The following MTUS2 variants were observed in gnomAD, a reference collection of about 807,000 sequenced individuals.
MTUS2 encodes the protein microtubule associated scaffold protein 2.
In MTUS2, 40 loss-of-function variants were observed where a neutral mutation model predicts 114.1. The observed-to-expected ratio is 0.35, with a 90% CI of 0.27 to 0.46. The LOEUF (loss-of-function observed/expected upper bound fraction) is 0.46, where lower values mean the gene tolerates loss of function less well. Among genes scored for constraint, MTUS2 ranks in the 20% least tolerant of loss-of-function variants. The probability of loss-of-function intolerance (pLI) is 1.00; values close to 1 mark genes in which losing one functional copy is unlikely to be tolerated. For synonymous variants in MTUS2, 688 were observed against 672.0 expected, an observed-to-expected ratio of 1.02 and a Z score of -0.37; for missense variants, 1,679 against 1,705.4, an observed-to-expected ratio of 0.98 and a Z score of 0.27.
At chr13:29,450,973 T>G (rs2388077) in intron 9 of MTUS2, among the ~76,000 whole-genome samples, 133,209 of 152,184 alleles carry the variant, frequency 0.88, 59,177 homozygotes, top group East Asian at 1. Context: ...AAAGGAGAAA[T>G]AGACAAATCT....
intron 4 of MTUS2, among the ~76,000 whole-genome samples, chr13:29,037,252 T>C (rs1887124162): frequency 6.6e-6 from 1 of 152,222 alleles, no homozygotes; most frequent in African/African-American, 2.4e-5. Context: ...AAGGATTTTA[T>C]TTCTCCTTCG....
At chr13:29,042,556 T>C (rs1326766679) in intron 4 of MTUS2, among the ~76,000 whole-genome samples, 1 of 152,198 alleles carries the variant, frequency 6.6e-6, no homozygotes, top group Non-Finnish European at 1.5e-5. Flanking sequence ...AGTTCTTCTT[T>C]GAAGGTCTCA....
At chr13:29,094,898 A>T (rs919631281) in intron 4 of MTUS2, among the ~76,000 whole-genome samples, 1 of 151,612 alleles carries the variant, frequency 6.6e-6, no homozygotes, top group Non-Finnish European at 1.5e-5. Flanking sequence ...TCATCTTAGT[A>T]TTTTCTAATT....
intron 2 of MTUS2, among the ~76,000 whole-genome samples, chr13:28,848,120 T>A (rs573613135): frequency 1.3e-5 from 2 of 152,120 alleles, no homozygotes; most frequent in Non-Finnish European, 2.9e-5. Flanking sequence ...ATATATATAT[T>A]GAATGCCTGC....
intron 8 of MTUS2, among the ~76,000 whole-genome samples, chr13:29,381,997 G>A (rs1566167704): frequency 2.0e-5 from 3 of 152,130 alleles, no homozygotes; most frequent in Admixed American, 1.3e-4. Context: ...TGCTCAGAAC[G>A]GGGAATACAA....
intron 2 of MTUS2, among the ~76,000 whole-genome samples, chr13:28,880,518 C>T (rs530227786): frequency 1.3e-5 from 2 of 152,190 alleles, no homozygotes; most frequent in South Asian, 4.1e-4. Context: ...CATCAAAAAG[C>T]AAAGGTTATA....
At chr13:29,170,380 A>G (rs944127021) in intron 5 of MTUS2, among the ~76,000 whole-genome samples, 1 of 152,238 alleles carries the variant, frequency 6.6e-6, no homozygotes, top group Non-Finnish European at 1.5e-5. Context: ...AGCAGTAACA[A>G]ATTAGAGCTT....
At chr13:28,835,487 A>C (rs1208759557) in intron 1 of MTUS2, among the ~76,000 whole-genome samples, 3 of 152,196 alleles carry the variant, frequency 2.0e-5, no homozygotes, top group Non-Finnish European at 1.5e-5. Flanking sequence ...ACTGGTTGTC[A>C]GGGACTGGGC....
chr13:29,422,986 C>T lies in MTUS2; in HGVS notation c.3118-16997C>T, dbSNP rs961603237. Among the ~76,000 whole-genome samples the T allele has an allele frequency of 3.9e-5, 6 of 152,204 alleles. 1 individual carries two copies. The highest frequency in any genetic ancestry group is 7.3e-5 in the Non-Finnish European group (5 of 68,032). On this transcript the variant is annotated intron_variant, in intron 8 of 15. Transcript: ENST00000612955. ...TCTAAACCTTCATTGTATTTGCCTT[C>T]AAGTTTAGTCTTTTTTCAGGTATCC...
At chr13:29,432,008 C>CTT (rs1318136819) in intron 8 of MTUS2, among the ~76,000 whole-genome samples, 8 of 119,134 alleles carry the variant, frequency 6.7e-5, no homozygotes, top group African/African-American at 2.2e-4. Context: ...CCACGCTCAG[C>CTT]TATTTTTTTT....
chr13:29,098,922 G>A (rs934386438), intron 4 of MTUS2, among the ~76,000 whole-genome samples: 33 of 152,258 alleles, frequency 2.2e-4, no homozygotes, highest in African/African-American at 7.9e-4. Context: ...TAGAAAGGAG[G>A]TGATAGATAA....
rs56965083 is a variant in MTUS2 at position 29,200,521 on chromosome 13, G to GTTTTTTTTTTTTTT, written c.2645-81180_2645-81167dup. 9.5e-4 allele frequency among the ~76,000 whole-genome samples: 81 copies of GTTTTTTTTTTTTTT among 85,406 alleles called. 6 individuals carry two copies. Among genetic ancestry groups the GTTTTTTTTTTTTTT allele is most frequent in the South Asian group, 1.7e-3 (4 of 2,306 alleles). The allele number at this position is 85,406 out of a possible 152,430, so 56.0% of individuals were successfully genotyped here. A position where few individuals can be genotyped will look rare whatever the true frequency, so the allele number is the denominator to read the frequency against. ...TGGTTTTGAGTGAGTTTCTTTTTCT[G>GTTTTTTTTTTTTTT]TTTTTTTTTTTTTTTTGAGATGGAG... On this transcript the variant is annotated intron_variant, in intron 5 of 15. Coordinates refer to ENST00000612955, the MANE Select transcript of MTUS2 (RefSeq NM_001033602.4).
At chr13:29,140,826 A>C (rs1892188637) in intron 5 of MTUS2, among the ~76,000 whole-genome samples, 1 of 152,124 alleles carries the variant, frequency 6.6e-6, no homozygotes, top group Admixed American at 6.5e-5. Context: ...TATGCAAATG[A>C]CTGTGTGTCT....
intron 2 of MTUS2, among the ~76,000 whole-genome samples, chr13:28,996,102 C>G (rs1408671119): frequency 6.6e-6 from 1 of 152,146 alleles, no homozygotes; most frequent in Non-Finnish European, 1.5e-5. Context: ...GAGTTTTTAG[C>G]ATGAAGGGTT....
chr13:28,830,793 T>C (rs1435248127), intron 1 of MTUS2, among the ~76,000 whole-genome samples: 2 of 152,106 alleles, frequency 1.3e-5, no homozygotes, highest in African/African-American at 4.8e-5. Context: ...AGTAATCATG[T>C]ACAGAGGATC....
chr13:29,108,134 A>G (rs1396307554), intron 5 of MTUS2, among the ~76,000 whole-genome samples: 2 of 152,262 alleles, frequency 1.3e-5, no homozygotes, highest in Non-Finnish European at 2.9e-5. Flanking sequence ...TTGACAAGAA[A>G]TGTTATTAAT....
chr13:29,170,051 C>T (rs1893487600), intron 5 of MTUS2, among the ~76,000 whole-genome samples: 1 of 50,868 alleles, frequency 2.0e-5, no homozygotes, highest in Non-Finnish European at 4.4e-5. Context: ...TTGATGAGAG[C>T]ATGGAGAAAG....
chr13:29,447,285 C>T (rs74042080), intron 9 of MTUS2, among the ~76,000 whole-genome samples: 3,359 of 152,034 alleles, frequency 0.022, 112 homozygotes, highest in African/African-American at 0.074. Context: ...CGTCATGAAC[C>T]GGGAGACCTC....
intron 5 of MTUS2, among the ~76,000 whole-genome samples, chr13:29,233,406 T>C (rs1207980740): frequency 6.6e-6 from 1 of 152,230 alleles, no homozygotes; most frequent in South Asian, 2.1e-4. Flanking sequence ...TAGGGAAGTG[T>C]ACCCACCGTG....
Sources: allele counts gnomAD v4.1 joint callset (sites outside exome capture counted in the v4.1 genomes callset), GRCh38; gene constraint gnomAD v4.1.1; transcripts MANE v1.5; gene names NCBI Gene and HGNC (gene_info 2026-07-23, HGNC 2026-07-21).